Variants in KLF9 observed in about 807,000 individuals in gnomAD.
The protein encoded by KLF9 is KLF transcription factor 9.
Under a neutral mutation model 17.3 loss-of-function variants are expected in KLF9, and 2 were observed. The observed-to-expected ratio is 0.12, with a 90% CI of 0.05 to 0.36. The LOEUF (loss-of-function observed/expected upper bound fraction) is 0.36. KLF9 is among the 10% of genes least tolerant of loss of function. The probability of loss-of-function intolerance (pLI) is 1.00; values close to 1 mark genes in which losing one functional copy is unlikely to be tolerated. For missense variants in KLF9, 226 were observed against 333.2 expected (o/e 0.68, Z 2.51); for synonymous variants, 138 against 139.2 (o/e 0.99, Z 0.06).
At chr9:70,392,402 G>C (rs1236986283) in intron 1 of KLF9, among the ~76,000 whole-genome samples, 2 of 152,152 alleles carry the variant, frequency 1.3e-5, no homozygotes, top group African/African-American at 4.8e-5. Context: ...CCACCCAGTG[G>C]TGTGTACGCA....
At chr9:70,411,597 A>T (rs2037313904) in intron 1 of KLF9, among the ~76,000 whole-genome samples, 1 of 152,206 alleles carries the variant, frequency 6.6e-6, no homozygotes, top group Non-Finnish European at 1.5e-5. Context: ...AAGGAAATGG[A>T]ATGAGAAGCA....
At position 70,413,304 on chromosome 9, in the gene KLF9, G is replaced by A; in HGVS notation, c.60C>T (p.Asn20=). ...VAAQCLVSIS[N]RAAVPEHGVA... ...CCCCATGCTCCGGCACCGCAGCGCG[G>A]TTCGAAATGGAAACCAGACACTGGG... The change falls in exon 1 of 2, where the codon AAC becomes AAT. Residue 20 remains asparagine (N), a synonymous_variant. Transcript: ENST00000377126. This position sits in a 1 kb window ranked among gnomAD's most constrained non-coding sequence, Gnocchi z 5.6. 3.7e-6 allele frequency: 6 copies of A among 1,607,168 alleles called. No homozygotes were observed. The highest frequency in any genetic ancestry group is 4.2e-6 in the Non-Finnish European group (5 of 1,177,410).
intron 1 of KLF9, among the ~76,000 whole-genome samples, chr9:70,408,984 CTATA>C (rs559953663): frequency 1.0e-5 from 1 of 99,412 alleles, no homozygotes; most frequent in Non-Finnish European, 2.0e-5. Flanking sequence ...TCCTTTTGCA[CTATA>C]TATATATATG....
Position 70,385,649 on chromosome 9 carries a change from T to C in KLF9, c.*2127A>G, listed in dbSNP as rs527785272. 4 of 152,748 alleles carry C rather than the reference T, an allele frequency of 2.6e-5. No individual in the cohort carries two copies. The South Asian group carries it at 8.3e-4, about 32-fold the overall frequency. The allele number at this position is 152,748 out of a possible 1,614,324, so 9.5% of individuals were successfully genotyped here. ...ACTCCTCACTCACTAAAAGGCAGCGTGCAGAGTATCATAAGCAGAACCATT... is the reference window on the plus strand; with the variant it reads ...ACTCCTCACTCACTAAAAGGCAGCGCGCAGAGTATCATAAGCAGAACCATT... On this transcript the variant is annotated 3_prime_UTR_variant, in exon 2 of 2. Transcript: ENST00000377126.
chr9:70,388,484 A>G (rs1254549132), intron 1 of KLF9, among the ~76,000 whole-genome samples: 1 of 152,186 alleles, frequency 6.6e-6, no homozygotes, highest in African/African-American at 2.4e-5. Flanking sequence ...GGCAGCCCAA[A>G]CTAATACAAT....
At chr9:70,403,643 G>A (rs2037239218) in intron 1 of KLF9, among the ~76,000 whole-genome samples, 1 of 152,128 alleles carries the variant, frequency 6.6e-6, no homozygotes, top group Non-Finnish European at 1.5e-5. Flanking sequence ...CGAAATGAGA[G>A]CTACCCCTAG....
At position 70,413,118 on chromosome 9, in the gene KLF9, G is replaced by GCA; in HGVS notation, c.244_245dup (p.Ser83AlafsTer18). The GCA allele has an allele frequency of 6.2e-7, 1 of 1,614,202 alleles. No individual in the cohort carries two copies. Among genetic ancestry groups the GCA allele is most frequent in the Non-Finnish European group, 8.5e-7 (1 of 1,180,026 alleles). On this transcript the variant is annotated frameshift_variant, in exon 1 of 2. Coordinates refer to ENST00000377126, the MANE Select transcript of KLF9 (RefSeq NM_001206.4). LOFTEE classifies it high-confidence loss of function. This position sits in a 1 kb window ranked among gnomAD's most constrained non-coding sequence, Gnocchi z 5.6. ...CATCTGGACTTTCCAGACTGTCGCT[G>GCA]CACACGGAGGGGGTCTGGATGGGTC...
intron 1 of KLF9, among the ~76,000 whole-genome samples, chr9:70,409,011 T>C (rs149066328): frequency 9.4e-5 from 10 of 106,142 alleles, no homozygotes; most frequent in East Asian, 2.5e-4. Context: ...TATATATATA[T>C]ACACATATAT....
intron 1 of KLF9, among the ~76,000 whole-genome samples, chr9:70,406,901 A>AG (rs2037259672): frequency 5.9e-4 from 66 of 111,152 alleles, no homozygotes; most frequent in Admixed American, 2.8e-3. Context: ...GAGAGAGAGA[A>AG]AAAAAAAAAA....
rs1354844322 is a variant in KLF9, at chr9:70,409,053, T to C, written c.505+3806A>G. Among the ~76,000 whole-genome samples, 53 of 108,638 alleles carry C rather than the reference T, an allele frequency of 4.9e-4. No individual in the cohort carries two copies. In the South Asian group the frequency reaches 5.1e-3, roughly 10 times the overall value. 71.3% of individuals were successfully genotyped at this position (108,638 alleles called of 152,430 possible). On this transcript the variant is annotated intron_variant, in intron 1 of 1. Coordinates refer to ENST00000377126, the MANE Select transcript of KLF9 (RefSeq NM_001206.4). ...ATATATATGTGTATATATATATACATATATGTGTATATATATGTGTATATA... is the reference window on the plus strand; with the variant it reads ...ATATATATGTGTATATATATATACACATATGTGTATATATATGTGTATATA...
chr9:70,397,453 T>C (rs1051187128), intron 1 of KLF9, among the ~76,000 whole-genome samples: 28 of 151,462 alleles, frequency 1.8e-4, no homozygotes, highest in Non-Finnish European at 2.9e-4. Context: ...CCAGCCTGGG[T>C]GACAGAGTGA....
rs1408925459 is a variant in KLF9 at position 70,385,755 on chromosome 9, G to A, written c.*2021C>T. On this transcript the variant is annotated 3_prime_UTR_variant, in exon 2 of 2. Transcript: ENST00000377126. Reference sequence around the variant, plus strand: ...GTCCTTAAAACTTATTTTGGACACAGAAATTAAAATTTGGTTTAAAATAAG... The same window carrying A: ...GTCCTTAAAACTTATTTTGGACACAAAAATTAAAATTTGGTTTAAAATAAG... The A allele has an allele frequency of 6.6e-6, 1 of 152,614 alleles. No homozygotes were observed. The highest frequency in any genetic ancestry group is 1.5e-5 in the Non-Finnish European group (1 of 68,034). 9.5% of individuals were successfully genotyped at this position (152,614 alleles called of 1,614,324 possible).
rs958656523 is a variant in KLF9, at chr9:70,413,932, C to T, written c.-569G>A. The stretch of plus-strand genomic sequence containing the variant: ...AACCCCTGCTCCGGCCGGTCCGCAC[C>T]GTTCCGGCATTCTCTTGCTCAGTAA... On this transcript the variant is annotated 5_prime_UTR_variant, in exon 1 of 2. Coordinates refer to ENST00000377126, the MANE Select transcript of KLF9 (RefSeq NM_001206.4). This position sits in a 1 kb window ranked among gnomAD's most constrained non-coding sequence, Gnocchi z 5.6. 1 of 152,774 alleles carries T rather than the reference C, an allele frequency of 6.5e-6. No individual in the cohort carries two copies. Among genetic ancestry groups the T allele is most frequent in the African/African-American group, 2.4e-5 (1 of 41,474 alleles). The allele number at this position is 152,774 out of a possible 1,614,324, so 9.5% of individuals were successfully genotyped here.
intron 1 of KLF9, among the ~76,000 whole-genome samples, chr9:70,398,909 C>T (rs904132669): frequency 2.6e-5 from 4 of 152,226 alleles, no homozygotes; most frequent in Admixed American, 6.5e-5. Context: ...TCTTGGCTCA[C>T]TGCAGCCTCA....
At chr9:70,404,438 A>G (rs1487265983) in intron 1 of KLF9, among the ~76,000 whole-genome samples, 1 of 152,018 alleles carries the variant, frequency 6.6e-6, no homozygotes, top group African/African-American at 2.4e-5. Flanking sequence ...AGCCTCTACA[A>G]AAAATGGTGT....
At chr9:70,403,282 C>T (rs1482465033) in intron 1 of KLF9, among the ~76,000 whole-genome samples, 2 of 152,210 alleles carry the variant, frequency 1.3e-5, no homozygotes, top group South Asian at 2.1e-4. Context: ...GGCAACAACT[C>T]CTTCCCCATT....
chr9:70,397,372 G>A (rs983206070), intron 1 of KLF9, among the ~76,000 whole-genome samples: 24 of 152,080 alleles, frequency 1.6e-4, no homozygotes, highest in African/African-American at 4.6e-4. Context: ...CTACTCGGGA[G>A]GCTGAGGCAG....
At chr9:70,397,951 G>A (rs960470114) in intron 1 of KLF9, among the ~76,000 whole-genome samples, 5 of 152,138 alleles carry the variant, frequency 3.3e-5, no homozygotes, top group African/African-American at 1.2e-4. Context: ...AGGTGTGCAG[G>A]CCATTCCTGG....
intron 1 of KLF9, among the ~76,000 whole-genome samples, chr9:70,400,938 C>G (rs1185698304): frequency 6.6e-6 from 1 of 152,112 alleles, no homozygotes; most frequent in Admixed American, 6.6e-5. Flanking sequence ...CCACTCAACC[C>G]TCCCCCTGAG....
Sources: allele counts gnomAD v4.1 joint callset (sites outside exome capture counted in the v4.1 genomes callset), GRCh38; gene constraint gnomAD v4.1.1; non-coding constraint Gnocchi (gnomAD v3.1); transcripts MANE v1.5; gene names NCBI Gene and HGNC (gene_info 2026-07-23, HGNC 2026-07-21).